APBB1IP: variants seen among roughly 807,000 people sequenced by gnomAD.
APBB1IP encodes the protein amyloid beta precursor protein binding family B member 1 interacting protein, also known as amyloid beta A4 precursor protein-binding family B member 1-interacting protein.
In APBB1IP, 27 loss-of-function variants were observed where a neutral mutation model predicts 64.9. The ratio of observed to expected loss-of-function variants is 0.42; its 90% CI spans 0.31 to 0.57. The LOEUF is 0.57. APBB1IP is among the 20% of genes least tolerant of loss of function. The pLI, the probability that APBB1IP is intolerant of heterozygous loss-of-function variation, is 0.20. For missense variants in APBB1IP, 812 were observed against 845.5 expected (o/e 0.96, Z 0.49); for synonymous variants, 392 against 331.0 (o/e 1.18, Z -2.00).
chr10:26,527,946 C>A (rs1444520388), intron 8 of APBB1IP, among the ~76,000 whole-genome samples: 1 of 152,052 alleles, frequency 6.6e-6, no homozygotes, highest in Non-Finnish European at 1.5e-5. Context: ...ACAGCCTTGG[C>A]CTCTCAAAAT....
At chr10:26,544,893 G>A (rs1482856140) in intron 11 of APBB1IP, among the ~76,000 whole-genome samples, 1 of 152,222 alleles carries the variant, frequency 6.6e-6, no homozygotes, top group Non-Finnish European at 1.5e-5. Flanking sequence ...AGGTCTACAA[G>A]AGAGAGTTGA....
chr10:26,561,064 C>CTTTTTTTTTTTTTTTTTTTTTTTTTT (rs764573338), intron 13 of APBB1IP, among the ~76,000 whole-genome samples: 32 of 69,222 alleles, frequency 4.6e-4, no homozygotes, highest in East Asian at 9.4e-4. Flanking sequence ...TTCTTTCTTT[C>CTTTTTTTTTTTTTTTTTTTTTTTTTT]TTTTTTTTTT....
At chr10:26,561,317 C>T (rs1244294177) in intron 13 of APBB1IP, among the ~76,000 whole-genome samples, 4 of 151,054 alleles carry the variant, frequency 2.6e-5, no homozygotes, top group African/African-American at 9.7e-5. Context: ...ATGCACCTGC[C>T]TCAGCCTCCC....
intron 2 of APBB1IP, among the ~76,000 whole-genome samples, chr10:26,469,258 C>CTTTTTT (rs386361721): frequency 9.1e-4 from 103 of 112,912 alleles, no homozygotes; most frequent in African/African-American, 1.6e-3. Context: ...CTTTTCTTTT[C>CTTTTTT]TTTTTTTTTT....
chr10:26,548,219 G>A (rs1836790446), intron 11 of APBB1IP, among the ~76,000 whole-genome samples: 1 of 151,964 alleles, frequency 6.6e-6, no homozygotes, highest in Non-Finnish European at 1.5e-5. Context: ...CAAGTTTTAG[G>A]GTACATGTGC....
chr10:26,507,103 T>C (rs1836190187), intron 6 of APBB1IP, among the ~76,000 whole-genome samples: 1 of 152,090 alleles, frequency 6.6e-6, no homozygotes, highest in Non-Finnish European at 1.5e-5. Context: ...CAGGGTCTCA[T>C]AGGCCCAAGG....
intron 2 of APBB1IP, among the ~76,000 whole-genome samples, chr10:26,444,901 C>T (rs1835374866): frequency 6.6e-6 from 1 of 151,924 alleles, no homozygotes; most frequent in African/African-American, 2.4e-5. Flanking sequence ...AGATCAAGAC[C>T]ATCCTGGCCA....
At chr10:26,440,729 A>G (rs1006415444) in intron 2 of APBB1IP, among the ~76,000 whole-genome samples, 4 of 152,176 alleles carry the variant, frequency 2.6e-5, no homozygotes, top group African/African-American at 9.7e-5. Context: ...AAGAATGTTC[A>G]CCAGTTATCC....
At chr10:26,494,485 T>A (rs1835995614) in intron 3 of APBB1IP, among the ~76,000 whole-genome samples, 1 of 152,140 alleles carries the variant, frequency 6.6e-6, no homozygotes, top group African/African-American at 2.4e-5. Flanking sequence ...CTAAAAAAAA[T>A]AAATGAATAG....
At chr10:26,469,189 C>T (rs1835684848) in intron 2 of APBB1IP, among the ~76,000 whole-genome samples, 2 of 149,784 alleles carry the variant, frequency 1.3e-5, no homozygotes, top group Admixed American at 6.6e-5. Flanking sequence ...TATAGCTGTA[C>T]AAAAATATTT....
At chr10:26,478,941 A>C (rs1405948213) in intron 2 of APBB1IP, among the ~76,000 whole-genome samples, 1 of 152,220 alleles carries the variant, frequency 6.6e-6, no homozygotes, top group South Asian at 2.1e-4. Context: ...AAAATTGTCA[A>C]TGAAAAATTA....
intron 8 of APBB1IP, among the ~76,000 whole-genome samples, chr10:26,531,019 A>G (rs1836545824): frequency 6.6e-6 from 1 of 152,182 alleles, no homozygotes; most frequent in African/African-American, 2.4e-5. Context: ...TCTTGGAAAA[A>G]CATATTAAAA....
chr10:26,527,568 A>G (rs1836490912), intron 8 of APBB1IP, among the ~76,000 whole-genome samples: 3 of 150,886 alleles, frequency 2.0e-5, no homozygotes, highest in Admixed American at 2.0e-4. Context: ...AGAAAAAAAT[A>G]CTATCTCAGA....
At chr10:26,560,082 G>A (rs769045541) in intron 11 of APBB1IP, 23 bp from the exon 12 acceptor site, 1 of 1,594,292 alleles carries the variant, frequency 6.3e-7, no homozygotes, top group South Asian at 1.1e-5. Context: ...TGAATACATT[G>A]TCTCGAAACT....
intron 11 of APBB1IP, among the ~76,000 whole-genome samples, chr10:26,559,811 T>A (rs1404562436): frequency 6.6e-6 from 1 of 151,822 alleles, no homozygotes; most frequent in Non-Finnish European, 1.5e-5. Context: ...TTCTTTTTTC[T>A]TTTTGGATTT....
intron 6 of APBB1IP, among the ~76,000 whole-genome samples, chr10:26,510,756 A>T (rs1836246467): frequency 6.6e-6 from 1 of 151,576 alleles, no homozygotes; most frequent in Non-Finnish European, 1.5e-5. Flanking sequence ...ACACACACAC[A>T]CACACACACA....
rs555134820 is a variant in APBB1IP at position 26,504,550 on chromosome 10, A to G, written c.531+1276A>G. ...CATGGTGAAACCCTGTCTATACTAA[A>G]AGTACAAAAATTAGCTGGACGCAGC... On this transcript the variant is annotated intron_variant, in intron 6 of 14. Coordinates refer to ENST00000376236, the MANE Select transcript of APBB1IP (RefSeq NM_019043.4). Among the ~76,000 whole-genome samples, 4 of 152,156 alleles carry G rather than the reference A, an allele frequency of 2.6e-5. No individual in the cohort carries two copies. The East Asian group carries it at 5.8e-4, about 22-fold the overall frequency.
At chr10:26,566,352 T>G (rs1837043615) in intron 14 of APBB1IP, among the ~76,000 whole-genome samples, 1 of 152,206 alleles carries the variant, frequency 6.6e-6, no homozygotes, top group Non-Finnish European at 1.5e-5. Flanking sequence ...CCTTCCAAGT[T>G]AAAACAATTC....
chr10:26,465,754 T>C (rs60828834), intron 2 of APBB1IP, among the ~76,000 whole-genome samples: 4,673 of 152,294 alleles, frequency 0.031, 231 homozygotes, highest in African/African-American at 0.11. Flanking sequence ...ATACCTATCT[T>C]CTCAGAGCCT....
Sources: allele counts gnomAD v4.1 joint callset (sites outside exome capture counted in the v4.1 genomes callset), GRCh38; gene constraint gnomAD v4.1.1; transcripts MANE v1.5; gene names NCBI Gene and HGNC (gene_info 2026-07-23, HGNC 2026-07-21).